Variants in ABHD6 observed in about 807,000 individuals in gnomAD.
ABHD6 encodes abhydrolase domain containing 6, acylglycerol lipase, also known as monoacylglycerol lipase ABHD6.
ABHD6 carries 33 observed loss-of-function variants against 38.8 expected under a neutral mutation model. The observed-to-expected ratio is 0.85, with a 90% CI of 0.64 to 1.14. ABHD6 has a LOEUF of 1.14. Ranked by LOEUF, ABHD6 falls within the 50% of genes most tolerant of loss-of-function variation. ABHD6 has a pLI of 0.00. For synonymous variants in ABHD6, 147 were observed against 161.6 expected (o/e 0.91, Z 0.69); for missense variants, 380 against 422.6 (o/e 0.90, Z 0.88).
chr3:58,272,460 T>C (rs975640610), intron 6 of ABHD6, among the ~76,000 whole-genome samples: 6 of 152,198 alleles, frequency 3.9e-5, no homozygotes, highest in Non-Finnish European at 8.8e-5. Flanking sequence ...CTTAACTAAA[T>C]TGACCTTTAA....
rs1388143531 is a variant in ABHD6 at position 58,291,308 on chromosome 3, A to T, written c.838-2281A>T. Among the ~76,000 whole-genome samples the T allele has an allele frequency of 2.0e-5, 3 of 151,898 alleles. No homozygotes were observed. In the East Asian group the frequency reaches 5.8e-4, roughly 29 times the overall value. ...CAGGAGAATCAGGCAGGGAGGTTGCAGTGAGCCGAGATGGCAGCAGTACAG... is the reference window on the plus strand; with the variant it reads ...CAGGAGAATCAGGCAGGGAGGTTGCTGTGAGCCGAGATGGCAGCAGTACAG... On this transcript the variant is annotated intron_variant, in intron 9 of 9. Transcript: ENST00000478253.
chr3:58,279,245 T>C lies in ABHD6; in HGVS notation c.681+4430T>C, dbSNP rs2107465538. Among the ~76,000 whole-genome samples, 3 of 152,352 alleles carry C rather than the reference T, an allele frequency of 2.0e-5. No homozygotes were observed. The Middle Eastern group carries it at 0.01, about 518-fold the overall frequency. On this transcript the variant is annotated intron_variant, in intron 7 of 9. Transcript: ENST00000478253. ...TATTGTGTGGGAGTCTAAGTCTCTT[T>C]GTAGGTCTCTAAGAGCTTGCTTTAT...
chr3:58,281,284 A>G (rs1353746600), intron 7 of ABHD6, among the ~76,000 whole-genome samples: 1 of 152,110 alleles, frequency 6.6e-6, no homozygotes, highest in Non-Finnish European at 1.5e-5. Context: ...TTGTTTACCT[A>G]CTTAAGCCTC....
intron 9 of ABHD6, among the ~76,000 whole-genome samples, chr3:58,286,850 G>GTTTATATATATATA (rs1221165191): frequency 1.4e-5 from 1 of 72,826 alleles, no homozygotes; most frequent in African/African-American, 4.7e-5. Flanking sequence ...GTGTGTGTGT[G>GTTTATATATATATA]TGTATATATA....
chr3:58,288,233 C>T (rs2097458852), intron 9 of ABHD6, among the ~76,000 whole-genome samples: 1 of 152,206 alleles, frequency 6.6e-6, no homozygotes. Context: ...TTTGGTGTCA[C>T]AGCACCTGCC....
At position 58,269,112 on chromosome 3, in the gene ABHD6, A is replaced by G. The variant is rs1241631262; in HGVS notation, c.277-209A>G. 6.6e-6 allele frequency among the ~76,000 whole-genome samples: 1 copy of G among 152,196 alleles called. No individual in the cohort carries two copies. The highest frequency in any genetic ancestry group is 1.5e-5 in the Non-Finnish European group (1 of 68,028). ...ACAGGCATCTCCTGAGCCTGCTTCC[A>G]TCTATGTATTAGCCTTTGTGGGCCT... On this transcript the variant is annotated intron_variant, in intron 4 of 9. Transcript: ENST00000478253. This position sits in a 1 kb window ranked among gnomAD's most constrained non-coding sequence, Gnocchi z 4.4.
rs1334540483 is a variant in ABHD6 at position 58,263,085 on chromosome 3, G to A, written c.120-4104G>A. ...TAGCCAGGCGTGGTGGCACGCGCCT[G>A]TAGTCCCAGCTACTTGGGAGGCTGA... On this transcript the variant is annotated intron_variant, in intron 3 of 9. Coordinates refer to ENST00000478253, the MANE Select transcript of ABHD6 (RefSeq NM_001320126.2). This position sits in a 1 kb window ranked among gnomAD's most constrained non-coding sequence, Gnocchi z 4.9. Among the ~76,000 whole-genome samples, 1 of 152,218 alleles carries A rather than the reference G, an allele frequency of 6.6e-6. No individual in the cohort carries two copies. Among genetic ancestry groups the A allele is most frequent in the African/African-American group, 2.4e-5 (1 of 41,458 alleles).
In ABHD6 at chr3:58,269,491, C is replaced by CT; in HGVS notation, c.390+58dup. 7.3e-7 allele frequency: 1 copy of CT among 1,363,812 alleles called. No homozygotes were observed. Among genetic ancestry groups the CT allele is most frequent in the Middle Eastern group, 1.9e-4 (1 of 5,290 alleles). The allele number at this position is 1,363,812 out of a possible 1,614,324, so 84.5% of individuals were successfully genotyped here. On this transcript the variant is annotated intron_variant, in intron 5 of 9. Transcript: ENST00000478253. The surrounding 1 kb of genome is among the most constrained non-coding windows in gnomAD (Gnocchi z 4.4). ...GACTGTCTCAGCCACCATTACATGT[C>CT]TGAGTCTGGAGAGCAGGGAAGGGAG...
Position 58,274,815 on chromosome 3 carries a change from G to A in ABHD6, c.681G>A (p.Gln227=), listed in dbSNP as rs1575526604. Residue 227 remains glutamine (Q), a splice_region_variant and synonymous_variant, in exon 7 of 10, where the codon CAG becomes CAA. Coordinates refer to ENST00000478253, the MANE Select transcript of ABHD6 (RefSeq NM_001320126.2). ...ATGTCCGCTTCAAGGTGCCCCAGCA[G>A]GTAACGTGGTTGCAGCAGCGACACA... ...CSYVRFKVPQ[Q]ILQGLVDVRI... 1 of 1,612,772 alleles carries A rather than the reference G, an allele frequency of 6.2e-7. No individual in the cohort carries two copies. Among genetic ancestry groups the A allele is most frequent in the Non-Finnish European group, 8.5e-7 (1 of 1,179,266 alleles).
Position 58,286,264 on chromosome 3 carries a change from C to T in ABHD6, c.837+811C>T, listed in dbSNP as rs558774542. On this transcript the variant is annotated intron_variant, in intron 9 of 9. Transcript: ENST00000478253. ...TCGATCTCCTGACGTCATGATCTGC[C>T]GGCCTCAGCCTCCCAAAGTGTTGGG... Among the ~76,000 whole-genome samples, 9 of 152,216 alleles carry T rather than the reference C, an allele frequency of 5.9e-5. No homozygotes were observed. The South Asian group carries it at 1.5e-3, about 25-fold the overall frequency.
intron 9 of ABHD6, among the ~76,000 whole-genome samples, chr3:58,292,402 G>C (rs1223856498): frequency 6.6e-6 from 1 of 152,214 alleles, no homozygotes; most frequent in Non-Finnish European, 1.5e-5. Context: ...TAAGAGAAGG[G>C]GAGTGAATGC....
At position 58,259,322 on chromosome 3, in the gene ABHD6, A is replaced by G. The variant is rs2097435418; in HGVS notation, c.119+2617A>G. On this transcript the variant is annotated intron_variant, in intron 3 of 9. Transcript: ENST00000478253. The surrounding 1 kb of genome is among the most constrained non-coding windows in gnomAD (Gnocchi z 4.7). ...TTTGTAATGAGAAAAATAAGTTGAT[A>G]GCAAATAATTTGCTTTTTAAATTAA... Among the ~76,000 whole-genome samples, 1 of 152,238 alleles carries G rather than the reference A, an allele frequency of 6.6e-6. No individual in the cohort carries two copies. The highest frequency in any genetic ancestry group is 2.4e-5 in the African/African-American group (1 of 41,452).
intron 1 of ABHD6, among the ~76,000 whole-genome samples, chr3:58,241,555 T>C (rs965412590): frequency 1.3e-5 from 2 of 152,238 alleles, no homozygotes; most frequent in Non-Finnish European, 2.9e-5. Flanking sequence ...TAGGCATTTT[T>C]CCAGAAGCTG....
rs531128077 is a variant in ABHD6 at position 58,289,936 on chromosome 3, C to T, written c.838-3653C>T. 3.1e-4 allele frequency among the ~76,000 whole-genome samples: 44 copies of T among 143,606 alleles called. 1 individual carries two copies. In the East Asian group the frequency reaches 6.7e-3, roughly 22 times the overall value. 94.2% of individuals were successfully genotyped at this position (143,606 alleles called of 152,430 possible). A position where few individuals can be genotyped will look rare whatever the true frequency, so the allele number is the denominator to read the frequency against. On this transcript the variant is annotated intron_variant, in intron 9 of 9. Transcript: ENST00000478253. ...GGGGCTCCTCACTTCCCAGTAGGGG[C>T]GGCCGGGCAGAGGCGCCCCTCACCT...
chr3:58,255,436 G>A (rs898191075), intron 2 of ABHD6, among the ~76,000 whole-genome samples: 2 of 141,976 alleles, frequency 1.4e-5, no homozygotes, highest in Non-Finnish European at 3.1e-5. Context: ...ATGTATATTT[G>A]TTCATTGATT....
intron 1 of ABHD6, among the ~76,000 whole-genome samples, chr3:58,244,236 C>T (rs1455475528): frequency 6.6e-6 from 1 of 152,088 alleles, no homozygotes; most frequent in Non-Finnish European, 1.5e-5. Context: ...TGTGTCAAAG[C>T]AATAATAGGA....
intron 9 of ABHD6, among the ~76,000 whole-genome samples, chr3:58,290,967 T>C (rs1369107231): frequency 2.0e-5 from 3 of 151,808 alleles, no homozygotes; most frequent in African/African-American, 7.3e-5. Context: ...CCTCGCTTCC[T>C]AGATGGGGTG....
rs541475349 is a variant in ABHD6 at position 58,293,266 on chromosome 3, C to T, written c.838-323C>T. ...CCGGGACTCAGGAACGAGGTCTTCC[C>T]TCGACCCTGCTCATCCCCTGTGCTC... is the stretch of plus-strand genomic sequence containing the variant. On this transcript the variant is annotated intron_variant, in intron 9 of 9. Coordinates refer to ENST00000478253, the MANE Select transcript of ABHD6 (RefSeq NM_001320126.2). The surrounding 1 kb of genome is among the most constrained non-coding windows in gnomAD (Gnocchi z 4.4). 1.1e-4 allele frequency among the ~76,000 whole-genome samples: 16 copies of T among 152,330 alleles called. No individual in the cohort carries two copies. The highest frequency in any genetic ancestry group is 1.0e-3 in the South Asian group (5 of 4,822).
At chr3:58,245,827 A>AACAG (rs143444972) in intron 1 of ABHD6, among the ~76,000 whole-genome samples, 1 of 150,894 alleles carries the variant, frequency 6.6e-6, no homozygotes, top group Admixed American at 6.6e-5. Context: ...GAAAGAAAGA[A>AACAG]AAAGAAAGAA....
Sources: allele counts gnomAD v4.1 joint callset (sites outside exome capture counted in the v4.1 genomes callset), GRCh38; gene constraint gnomAD v4.1.1; non-coding constraint Gnocchi (gnomAD v3.1); transcripts MANE v1.5; gene names NCBI Gene and HGNC (gene_info 2026-07-23, HGNC 2026-07-21).